CALN1: variants seen among roughly 807,000 people sequenced by gnomAD.
The protein encoded by CALN1 is calneuron 1.
CALN1 carries 17 observed loss-of-function variants against 30.6 expected under a neutral mutation model. The observed-to-expected ratio is 0.56, with a 90% CI of 0.38 to 0.83. The LOEUF (loss-of-function observed/expected upper bound fraction) is 0.83. Among genes scored for constraint, CALN1 ranks in the 40% least tolerant of loss-of-function variants. CALN1 has a pLI of 0.00. For missense variants in CALN1, 291 were observed against 354.9 expected, an observed-to-expected ratio of 0.82 and a Z score of 1.45; for synonymous variants, 156 against 131.4, an observed-to-expected ratio of 1.19 and a Z score of -1.28.
At chr7:72,284,676 AG>A in intron 2 of CALN1, among the ~76,000 whole-genome samples, 1 of 152,184 alleles carries the variant, frequency 6.6e-6, no homozygotes, top group Non-Finnish European at 1.5e-5. Flanking sequence ...TCTGATTCTC[AG>A]GTCTTCAAAC....
At chr7:72,291,759 T>A (rs1798490143) in intron 2 of CALN1, among the ~76,000 whole-genome samples, 1 of 152,100 alleles carries the variant, frequency 6.6e-6, no homozygotes, top group African/African-American at 2.4e-5. Context: ...ATGACAGGCA[T>A]GTACCACAAT....
chr7:71,967,037 G>A (rs1797562881), intron 5 of CALN1, among the ~76,000 whole-genome samples: 1 of 152,048 alleles, frequency 6.6e-6, no homozygotes, highest in South Asian at 2.1e-4. Context: ...GAACTGTTTA[G>A]GAAACATATC....
chr7:72,144,603 C>T (rs1433023547), intron 3 of CALN1, among the ~76,000 whole-genome samples: 1 of 152,178 alleles, frequency 6.6e-6, no homozygotes, highest in East Asian at 1.9e-4. Flanking sequence ...GAATTGAACT[C>T]AGCTCTGCAC....
At chr7:71,855,437 C>G (rs958971706) in intron 5 of CALN1, among the ~76,000 whole-genome samples, 9 of 141,634 alleles carry the variant, frequency 6.4e-5, no homozygotes, top group Middle Eastern at 4.0e-3. Flanking sequence ...TCTTAGGAGC[C>G]TTGGTAAGTA....
intron 2 of CALN1, among the ~76,000 whole-genome samples, chr7:72,296,258 A>T (rs368352299): frequency 6.7e-6 from 1 of 149,992 alleles, no homozygotes; most frequent in South Asian, 2.2e-4. Flanking sequence ...TGCTGGATTC[A>T]GTTTGCCAGT....
chr7:72,056,803 C>G (rs928730440), intron 4 of CALN1, among the ~76,000 whole-genome samples: 4 of 152,108 alleles, frequency 2.6e-5, no homozygotes, highest in African/African-American at 4.8e-5. Flanking sequence ...AGATAATCCA[C>G]AAAAGACAAA....
At chr7:72,141,956 C>T (rs1324573845) in intron 3 of CALN1, among the ~76,000 whole-genome samples, 8 of 152,178 alleles carry the variant, frequency 5.3e-5, no homozygotes, top group Non-Finnish European at 1.2e-4. Context: ...ATGCTTGTCC[C>T]CTCCACATTT....
chr7:72,099,063 C>T (rs1306195740), intron 4 of CALN1, among the ~76,000 whole-genome samples: 2 of 152,154 alleles, frequency 1.3e-5, no homozygotes, highest in Non-Finnish European at 2.9e-5. Flanking sequence ...AGCCGGGCCT[C>T]GTGCCGAAGG....
Position 72,267,024 on chromosome 7 carries a change from G to A in CALN1, c.244+11662C>T, listed in dbSNP as rs147748975. On this transcript the variant is annotated intron_variant, in intron 3 of 6. Transcript: ENST00000395275. Reference sequence around the variant, plus strand: ...CCCCTCTTATTGGGATGATGATGTGGCTCATTCATTGCGTAGGTTTTAGGC... The same window carrying A: ...CCCCTCTTATTGGGATGATGATGTGACTCATTCATTGCGTAGGTTTTAGGC... Among the ~76,000 whole-genome samples, 343 of 152,324 alleles carry A rather than the reference G, an allele frequency of 2.3e-3. 2 individuals are homozygous for A. Among genetic ancestry groups the A allele is most frequent in the African/African-American group, 7.8e-3 (326 of 41,564 alleles).
At chr7:72,342,493 G>A (rs775078231) in intron 2 of CALN1, among the ~76,000 whole-genome samples, 10 of 152,148 alleles carry the variant, frequency 6.6e-5, no homozygotes, top group South Asian at 6.2e-4. Context: ...TTACCGGGAT[G>A]GAGGCTAAAC....
intron 3 of CALN1, among the ~76,000 whole-genome samples, chr7:72,140,340 A>AGGG (rs1563091371): frequency 2.3e-4 from 15 of 65,400 alleles, no homozygotes; most frequent in Non-Finnish European, 4.4e-4. Flanking sequence ...AGAAGGAAGG[A>AGGG]AGGGAGGGAG....
intron 2 of CALN1, among the ~76,000 whole-genome samples, chr7:72,287,797 T>G (rs371827743): frequency 6.6e-6 from 1 of 152,100 alleles, no homozygotes; most frequent in African/African-American, 2.4e-5. Flanking sequence ...AATTACACAA[T>G]CGATGGAAAA....
At chr7:72,487,917 A>AAGG in the CALN1 span, among the ~76,000 whole-genome samples, 3 of 62,266 alleles carry the variant, frequency 4.8e-5, no homozygotes, top group Non-Finnish European at 6.1e-5. Flanking sequence ...AAAGAAAGAA[A>AAGG]GAAGGAAGGA....
At chr7:71,997,586 A>T (rs1328903166) in intron 5 of CALN1, among the ~76,000 whole-genome samples, 2 of 152,196 alleles carry the variant, frequency 1.3e-5, no homozygotes, top group African/African-American at 2.4e-5. Context: ...CAAACCTCAT[A>T]CAGAAAAAAT....
chr7:72,400,980 GCA>G (rs1806298660), intron 2 of CALN1, among the ~76,000 whole-genome samples: 2 of 152,160 alleles, frequency 1.3e-5, no homozygotes, highest in Admixed American at 1.3e-4. Flanking sequence ...CCCACACTGT[GCA>G]TAACCACTCA....
intron 4 of CALN1, among the ~76,000 whole-genome samples, chr7:72,046,313 C>T (rs1204893564): frequency 6.6e-6 from 1 of 152,070 alleles, no homozygotes; most frequent in Non-Finnish European, 1.5e-5. Flanking sequence ...TAGCTCACTG[C>T]AGCTGCAGCT....
intron 3 of CALN1, among the ~76,000 whole-genome samples, chr7:72,186,578 T>C (rs1237863947): frequency 1.3e-5 from 2 of 152,148 alleles, no homozygotes; most frequent in African/African-American, 4.8e-5. Flanking sequence ...TCCTTCCTCC[T>C]TCCCCACTCT....
chr7:72,058,675 G>C (rs1283354936), intron 4 of CALN1, among the ~76,000 whole-genome samples: 1 of 152,128 alleles, frequency 6.6e-6, no homozygotes. Context: ...CCTGGGCAGA[G>C]GGCCAAGGGG....
At chr7:71,900,789 G>A (rs1489125132) in intron 5 of CALN1, among the ~76,000 whole-genome samples, 3 of 152,172 alleles carry the variant, frequency 2.0e-5, no homozygotes, top group South Asian at 2.1e-4. Flanking sequence ...GGACTGTGTC[G>A]TTATGCTGAA....
Sources: gnomAD v4.1 joint callset for allele counts (sites outside exome capture counted in the v4.1 genomes callset) on GRCh38, gnomAD v4.1.1 for gene constraint, MANE v1.5 for transcripts, NCBI Gene and HGNC (gene_info 2026-07-23, HGNC 2026-07-21) for gene names.